The following VEPH1 variants were observed in gnomAD, a reference collection of about 807,000 sequenced individuals.
VEPH1 encodes the protein ventricular zone-expressed PH domain-containing protein homolog 1.
In VEPH1, 80 loss-of-function variants were observed where a neutral mutation model predicts 85.2. The ratio of observed to expected loss-of-function variants is 0.94; its 90% CI spans 0.78 to 1.13. The LOEUF (loss-of-function observed/expected upper bound fraction) is 1.13, where lower values mean the gene tolerates loss of function less well. Ranked by LOEUF, VEPH1 falls within the 50% of genes most tolerant of loss-of-function variation. The probability of loss-of-function intolerance (pLI) is 0.00; values close to 1 mark genes in which losing one functional copy is unlikely to be tolerated. For synonymous variants in VEPH1, 297 were observed against 348.0 expected (o/e 0.85, Z 1.63); for missense variants, 955 against 980.5 (o/e 0.97, Z 0.35).
intron 12 of VEPH1, among the ~76,000 whole-genome samples, chr3:157,275,384 T>A (rs1047057056): frequency 1.3e-5 from 2 of 152,138 alleles, no homozygotes; most frequent in African/African-American, 4.8e-5. Flanking sequence ...AAGACCAGCC[T>A]GGGCAACATG....
intron 9 of VEPH1, among the ~76,000 whole-genome samples, chr3:157,336,835 A>C (rs1027360769): frequency 1.3e-5 from 2 of 152,216 alleles, no homozygotes; most frequent in Non-Finnish European, 2.9e-5. Context: ...CCATCCATTT[A>C]TGAATTATCT....
chr3:157,284,453 C>T (rs909670175), intron 12 of VEPH1, among the ~76,000 whole-genome samples: 2 of 152,150 alleles, frequency 1.3e-5, no homozygotes, highest in African/African-American at 4.8e-5. Flanking sequence ...GCTAGCTGTG[C>T]ATGACCAATA....
intron 4 of VEPH1, among the ~76,000 whole-genome samples, chr3:157,452,781 C>T (rs930930200): frequency 6.6e-6 from 1 of 152,186 alleles, no homozygotes; most frequent in Admixed American, 6.5e-5. Context: ...TTGAATCTTG[C>T]TTTTAACTCC....
chr3:157,270,273 TAA>T, intron 12 of VEPH1, among the ~76,000 whole-genome samples: 1 of 137,140 alleles, frequency 7.3e-6, no homozygotes, highest in East Asian at 2.2e-4. Flanking sequence ...TGCCATCTCT[TAA>T]AAAAAAAAAG....
intron 9 of VEPH1, among the ~76,000 whole-genome samples, chr3:157,353,325 T>G (rs996898630): frequency 6.6e-6 from 1 of 152,128 alleles, no homozygotes; most frequent in East Asian, 1.9e-4. Flanking sequence ...CAGGCTGGAG[T>G]GCAGTGGCGC....
intron 9 of VEPH1, among the ~76,000 whole-genome samples, chr3:157,358,209 T>C (rs1725660086): frequency 6.6e-6 from 1 of 152,196 alleles, no homozygotes; most frequent in Non-Finnish European, 1.5e-5. Context: ...TATGTCTGCC[T>C]TTGTCAACTA....
chr3:157,364,165 T>A, intron 8 of VEPH1, 138 bp downstream of exon 8: 1 of 653,780 alleles, frequency 1.5e-6, no homozygotes, highest in Non-Finnish European at 2.6e-6. Flanking sequence ...TTGTGGATGA[T>A]ATTTCATTCA....
intron 10 of VEPH1, among the ~76,000 whole-genome samples, chr3:157,314,576 G>C (rs1368696242): frequency 6.6e-6 from 1 of 151,734 alleles, no homozygotes; most frequent in East Asian, 1.9e-4. Flanking sequence ...TTTTCTCAAA[G>C]ATCTGGGAAT....
chr3:157,375,912 G>A (rs1409126875), intron 7 of VEPH1, among the ~76,000 whole-genome samples: 1 of 152,186 alleles, frequency 6.6e-6, no homozygotes, highest in Non-Finnish European at 1.5e-5. Context: ...GAGGATTGGA[G>A]AAACTATAAT....
chr3:157,480,779 G>A (rs1299443013), intron 2 of VEPH1, among the ~76,000 whole-genome samples: 1 of 152,050 alleles, frequency 6.6e-6, no homozygotes, highest in Non-Finnish European at 1.5e-5. Flanking sequence ...ATGTCTTTCT[G>A]GTAGAATAAT....
At position 157,425,314 on chromosome 3, in the gene VEPH1, G is replaced by A. The variant is rs1240405273; in HGVS notation, c.696+3008C>T. ...TTGCTGCAGGGGTAGGGCTTTCATG[G>A]AGAACCTCTCCTAAGGCAGTGCAGA... On this transcript the variant is annotated intron_variant, in intron 5 of 13. Coordinates refer to ENST00000362010, the MANE Select transcript of VEPH1 (RefSeq NM_001167912.2). Among the ~76,000 whole-genome samples the A allele has an allele frequency of 4.6e-5, 7 of 152,322 alleles. 1 individual carries two copies. In the Middle Eastern group the frequency reaches 0.014, roughly 296 times the overall value.
intron 4 of VEPH1, among the ~76,000 whole-genome samples, chr3:157,447,082 G>T (rs933846412): frequency 2.6e-5 from 4 of 152,168 alleles, no homozygotes; most frequent in African/African-American, 7.2e-5. Flanking sequence ...GTTTTCAGTG[G>T]ATTGAAACTA....
At chr3:157,286,146 T>C (rs1333717333) in intron 12 of VEPH1, 2 of 153,618 alleles carry the variant, frequency 1.3e-5, no homozygotes, top group South Asian at 4.1e-4. Context: ...AGTTTAATCA[T>C]CAAGCAACAG....
Position 157,494,049 on chromosome 3 carries a change from TG to T in VEPH1, c.138+1162del, listed in dbSNP as rs1392087423. 2.0e-5 allele frequency among the ~76,000 whole-genome samples: 3 copies of T among 152,144 alleles called. No individual in the cohort carries two copies. In the East Asian group the frequency reaches 5.8e-4, roughly 29 times the overall value. ...CGTCAACCTAAGTTGATTAATGTTC[TG>T]GAAAAGATGTGGATGAGTAATTGCC... On this transcript the variant is annotated intron_variant, in intron 2 of 13. Coordinates refer to ENST00000362010, the MANE Select transcript of VEPH1 (RefSeq NM_001167912.2).
intron 9 of VEPH1, among the ~76,000 whole-genome samples, chr3:157,340,506 TA>T (rs1723427141): frequency 6.6e-6 from 1 of 151,820 alleles, no homozygotes. Context: ...GAGGCTTGAG[TA>T]GGTAAACAAA....
chr3:157,409,417 G>A (rs1410816179), intron 6 of VEPH1, among the ~76,000 whole-genome samples: 2 of 152,082 alleles, frequency 1.3e-5, no homozygotes, highest in South Asian at 2.1e-4. Context: ...ACAATTGATC[G>A]GTTCTCCCAG....
rs772118619 is a variant in VEPH1 at position 157,261,291 on chromosome 3, C to T, written c.2345G>A (p.Arg782His). Residue 782 changes from arginine to histidine, a missense_variant, in exon 14 of 14, where the codon CGC (arginine) becomes CAC (histidine). Arg to His is a conservative substitution (Grantham distance 29). Coordinates refer to ENST00000362010, the MANE Select transcript of VEPH1 (RefSeq NM_001167912.2). The part of the protein sequence containing the change: ...VKAVAKKRRD[R>H]SLPRAFEIFT... ...GATTTCGAAAGCCCGGGGGAGAGAG[C>T]GGTCCCTGCGTTTCTTGGCCACAGC... The T allele has an allele frequency of 2.4e-5, 38 of 1,613,512 alleles. No individual in the cohort carries two copies. Among genetic ancestry groups the T allele is most frequent in the African/African-American group, 4.0e-5 (3 of 74,874 alleles).
At chr3:157,357,845 G>T (rs1450444908) in intron 9 of VEPH1, among the ~76,000 whole-genome samples, 2 of 152,110 alleles carry the variant, frequency 1.3e-5, no homozygotes, top group Admixed American at 6.5e-5. Flanking sequence ...AGGAAACCAA[G>T]CTTTTTCTTT....
intron 7 of VEPH1, among the ~76,000 whole-genome samples, chr3:157,368,886 A>G (rs901229971): frequency 6.6e-6 from 1 of 152,004 alleles, no homozygotes; most frequent in African/African-American, 2.4e-5. Context: ...AATACTAAGA[A>G]ATTATTTGTT....
Sources: gnomAD v4.1 joint callset for allele counts (sites outside exome capture counted in the v4.1 genomes callset) on GRCh38, gnomAD v4.1.1 for gene constraint, MANE v1.5 for transcripts, NCBI Gene and HGNC (gene_info 2026-07-23, HGNC 2026-07-21) for gene names.